The following GSR variants were observed in gnomAD, a reference collection of about 807,000 sequenced individuals.
GSR encodes glutathione reductase, mitochondrial.
GSR carries 48 observed loss-of-function variants against 56.5 expected under a neutral mutation model. The ratio of observed to expected loss-of-function variants is 0.85; its 90% CI spans 0.67 to 1.08. GSR has a LOEUF of 1.08. Ranked by LOEUF, GSR falls within the 50% of genes least tolerant of loss-of-function variation. GSR has a pLI of 0.00. For missense variants in GSR, 694 were observed against 703.3 expected (o/e 0.99, Z 0.15); for synonymous variants, 264 against 270.8 (o/e 0.97, Z 0.25).
chr8:30,725,408 A>G (rs8190903), intron 1 of GSR, among the ~76,000 whole-genome samples: 113 of 151,782 alleles, frequency 7.4e-4, no homozygotes, highest in African/African-American at 2.6e-3. Flanking sequence ...TACTAAAAAT[A>G]CAAAAGTTAG....
Position 30,703,184 on chromosome 8 carries a change from T to G in GSR, c.549A>C (p.Thr183=), listed in dbSNP as rs764117921. 10 of 1,613,760 alleles carry G rather than the reference T, an allele frequency of 6.2e-6. No individual in the cohort carries two copies. The Admixed American group carries it at 1.7e-4, about 27-fold the overall frequency. Residue 183 remains threonine, a synonymous_variant, in exon 5 of 13, where the codon ACA becomes ACC. Coordinates refer to ENST00000221130, the MANE Select transcript of GSR (RefSeq NM_000637.5). The part of the protein sequence containing the change: ...HAAFTSDPKP[T]IEVSGKKYTA... ...TGTACTTTTTCCCACTGACCTCTAT[T>G]GTGGGCTTGGGATCACTCGTGAAGG...
chr8:30,713,374 T>C (rs1328777895), intron 1 of GSR, among the ~76,000 whole-genome samples: 1 of 151,898 alleles, frequency 6.6e-6, no homozygotes, highest in Non-Finnish European at 1.5e-5. Context: ...TTGTTTTTTT[T>C]TTGAGACTGA....
rs540350167 is a variant in GSR, at chr8:30,700,831, A to C, written c.641-696T>G. ...GTACACATTGAATTACAAGAGGTAC[A>C]ACCTATATAGTGAAATATACATGTA... On this transcript the variant is annotated intron_variant, in intron 5 of 12. Transcript: ENST00000221130. Among the ~76,000 whole-genome samples the C allele has an allele frequency of 2.6e-5, 4 of 152,134 alleles. No individual in the cohort carries two copies. In the South Asian group the frequency reaches 6.2e-4, roughly 24 times the overall value.
In GSR at chr8:30,689,164, T is replaced by C. The variant is rs1477333993; in HGVS notation, c.1038A>G (p.Lys346=). Residue 346 remains lysine, a synonymous_variant, in exon 9 of 13, where the codon AAA becomes AAG. Coordinates refer to ENST00000221130, the MANE Select transcript of GSR (RefSeq NM_000637.5). ...CGGGCAGACCAAGCCAGCTTACCAGTTTGTTTAAACTCAGGTCCTTGGTAT... is the reference window on the plus strand; with the variant it reads ...CGGGCAGACCAAGCCAGCTTACCAGCTTGTTTAAACTCAGGTCCTTGGTAT... ...VPNTKDLSLN[K]LGIQTDDKGH... 1.2e-5 allele frequency: 20 copies of C among 1,613,754 alleles called. No homozygotes were observed. The highest frequency in any genetic ancestry group is 1.7e-5 in the Admixed American group (1 of 59,954).
Position 30,684,207 on chromosome 8 carries a change from T to G in GSR, c.1042-8A>C. On this transcript the variant is annotated splice_polypyrimidine_tract_variant and splice_region_variant and intron_variant, in intron 9 of 12. Transcript: ENST00000221130. Reference sequence around the variant, plus strand: ...GTCATCGGTTTGAATCCCCTAAAATTACAAAGAGATATCATGTAACCACTT... The same window carrying G: ...GTCATCGGTTTGAATCCCCTAAAATGACAAAGAGATATCATGTAACCACTT... 6.8e-7 allele frequency: 1 copy of G among 1,478,398 alleles called. No homozygotes were observed. The highest frequency in any genetic ancestry group is 2.3e-5 in the East Asian group (1 of 44,262). 91.6% of individuals were successfully genotyped at this position (1,478,398 alleles called of 1,614,324 possible).
At chr8:30,723,034 G>A (rs1804600588) in intron 1 of GSR, among the ~76,000 whole-genome samples, 1 of 152,058 alleles carries the variant, frequency 6.6e-6, no homozygotes, top group Non-Finnish European at 1.5e-5. Flanking sequence ...AACTCTCATT[G>A]GTAAGTACTA....
At chr8:30,725,268 C>T in intron 1 of GSR, among the ~76,000 whole-genome samples, 1 of 151,832 alleles carries the variant, frequency 6.6e-6, no homozygotes, top group African/African-American at 2.4e-5. Flanking sequence ...CATGGCAAAA[C>T]CCTGTTTCTA....
chr8:30,709,077 G>C (rs577334407), intron 3 of GSR, among the ~76,000 whole-genome samples: 11 of 152,016 alleles, frequency 7.2e-5, no homozygotes, highest in South Asian at 6.2e-4. Context: ...AGGAATGAAG[G>C]CTGGGCACAG....
intron 10 of GSR, among the ~76,000 whole-genome samples, chr8:30,683,337 C>A (rs1274525377): frequency 1.3e-5 from 2 of 152,090 alleles, no homozygotes; most frequent in Non-Finnish European, 2.9e-5. Context: ...CTGGGACACG[C>A]TGGAATCGCT....
Position 30,693,016 on chromosome 8 carries a change from T to G in GSR, c.835A>C (p.Thr279Pro). 6.2e-7 allele frequency: 1 copy of G among 1,612,836 alleles called. No individual in the cohort carries two copies. The highest frequency in any genetic ancestry group is 8.5e-7 in the Non-Finnish European group (1 of 1,179,078). Residue 279 changes from threonine (T) to proline (P), a missense_variant, in exon 8 of 13, where the codon ACG (threonine) becomes CCG (proline). Transcript: ENST00000221130. ...SFDSMISTNC[T>P]EELENAGVEV... is the part of the protein sequence containing the mutation. Reference sequence around the variant, plus strand: ...ACGCCAGCGTTCTCCAGCTCCTCCGTGCAGTTGGTGCTGATCATTGAATCA... The same window carrying G: ...ACGCCAGCGTTCTCCAGCTCCTCCGGGCAGTTGGTGCTGATCATTGAATCA...
chr8:30,716,952 C>T (rs565661691), intron 1 of GSR, among the ~76,000 whole-genome samples: 249 of 151,500 alleles, frequency 1.6e-3, no homozygotes, highest in African/African-American at 5.6e-3. Context: ...AAATTAGAGA[C>T]GGAGGCTGGG....
At chr8:30,692,658 C>A (rs1035185164) in intron 8 of GSR, among the ~76,000 whole-genome samples, 2 of 151,750 alleles carry the variant, frequency 1.3e-5, no homozygotes, top group Non-Finnish European at 2.9e-5. Context: ...CACACCACCA[C>A]GCCCAGCTGA....
rs1803536758 is a variant in GSR at position 30,696,218 on chromosome 8, A to G, written c.795+162T>C. Among the ~76,000 whole-genome samples the G allele has an allele frequency of 2.0e-5, 3 of 152,128 alleles. No individual in the cohort carries two copies. In the South Asian group the frequency reaches 6.2e-4, roughly 32 times the overall value. The stretch of plus-strand genomic sequence containing the variant: ...CATCATCAACCAGCAACTGGGAGGG[A>G]TATAGGCCAAATTCAGGTAACTTGG... On this transcript the variant is annotated intron_variant, in intron 7 of 12. Transcript: ENST00000221130.
chr8:30,701,900 G>A (rs1803755858), intron 5 of GSR, among the ~76,000 whole-genome samples: 1 of 150,538 alleles, frequency 6.6e-6, no homozygotes, highest in South Asian at 2.1e-4. Context: ...CATCCACAAA[G>A]TCCTTATAAT....
chr8:30,696,295 C>A, intron 7 of GSR, 85 bp downstream of exon 7: 1 of 931,556 alleles, frequency 1.1e-6, no homozygotes, highest in Non-Finnish European at 1.8e-6. Flanking sequence ...GCTTTGCACC[C>A]TAGTATTTAA....
chr8:30,706,300 G>A (rs1803916909), intron 4 of GSR, among the ~76,000 whole-genome samples: 1 of 151,916 alleles, frequency 6.6e-6, no homozygotes, highest in African/African-American at 2.4e-5. Flanking sequence ...AGGAGTTCAA[G>A]ACCAGCCTGG....
At chr8:30,712,138 T>C in intron 1 of GSR, 50 bp from the exon 2 acceptor site, 4 of 998,540 alleles carry the variant, frequency 4.0e-6, no homozygotes, top group East Asian at 2.4e-5. Flanking sequence ...ATTCAAACCA[T>C]CAAACGAAAT....
chr8:30,680,385 T>G (rs1802906560), intron 12 of GSR, among the ~76,000 whole-genome samples: 3 of 103,132 alleles, frequency 2.9e-5, no homozygotes, highest in South Asian at 3.2e-4. Flanking sequence ...TCTCCTGTTT[T>G]TTTTTTTTTT....
chr8:30,719,267 T>A (rs1804447056), intron 1 of GSR, among the ~76,000 whole-genome samples: 1 of 65,982 alleles, frequency 1.5e-5, no homozygotes, highest in African/African-American at 2.9e-5. Context: ...CTACCACACC[T>A]GGATAAATTT....
Sources: allele counts gnomAD v4.1 joint callset (sites outside exome capture counted in the v4.1 genomes callset), GRCh38; gene constraint gnomAD v4.1.1; transcripts MANE v1.5; gene names NCBI Gene and HGNC (gene_info 2026-07-23, HGNC 2026-07-21).